MYO9B: variants seen among roughly 807,000 people sequenced by gnomAD.
The protein encoded by MYO9B is myosin IXB, also known as unconventional myosin-IXb.
MYO9B carries 71 observed loss-of-function variants against 229.5 expected under a neutral mutation model. The observed-to-expected ratio is 0.31, with a 90% CI of 0.26 to 0.38. The LOEUF (loss-of-function observed/expected upper bound fraction) is 0.38, where lower values mean the gene tolerates loss of function less well. Ranked by LOEUF, MYO9B falls within the 10% of genes least tolerant of loss-of-function variation. The probability of loss-of-function intolerance (pLI) is 1.00; values close to 1 mark genes in which losing one functional copy is unlikely to be tolerated. For missense variants in MYO9B, 2,255 were observed against 2,920.5 expected (o/e 0.77, Z 5.25); for synonymous variants, 1,185 against 1,235.8 (o/e 0.96, Z 0.86).
intron 2 of MYO9B, among the ~76,000 whole-genome samples, chr19:17,126,717 T>C (rs1014782111): frequency 5.3e-5 from 8 of 150,790 alleles, no homozygotes; most frequent in Non-Finnish European, 8.9e-5. Flanking sequence ...CAGGCTGGAA[T>C]GCAGTGGTGC....
rs186089640 is a variant in MYO9B at position 17,094,844 on chromosome 19, A to C, written c.-58-6816A>C. ...GTAGTCCCAGCTGCTCAGGAGGCTG[A>C]GGTGAGAGGTTTGCTTGAGCCAGGG... On this transcript the variant is annotated intron_variant, in intron 1 of 39. Transcript: ENST00000682292. 1.8e-3 allele frequency among the ~76,000 whole-genome samples: 275 copies of C among 152,226 alleles called. 1 individual carries two copies. The highest frequency in any genetic ancestry group is 3.6e-3 in the Admixed American group (55 of 15,280).
At position 17,195,043 on chromosome 19, in the gene MYO9B, G is replaced by A. The variant is rs569931532; in HGVS notation, c.3616G>A (p.Val1206Ile). 40 of 1,613,072 alleles carry A rather than the reference G, an allele frequency of 2.5e-5. No homozygotes were observed. Among genetic ancestry groups the A allele is most frequent in the South Asian group, 2.3e-4 (21 of 91,076 alleles). Reference protein sequence around the residue: ...ESREDETLLVVETEAENTSQK... With the variant: ...ESREDETLLVIETEAENTSQK... ...CAGAGAAGATGAAACCCTTCTAGTC[G>A]TAGAGACGGAGGCTGAGAACACATC... Residue 1206 changes from valine (V) to isoleucine (I), a missense_variant, in exon 22 of 40, where the codon GTA becomes ATA. By Grantham distance (29) the Val-to-Ile change is conservative. This residue lies in a region of MYO9B where 679 missense variants were observed against 770.2 expected (regional missense o/e 0.88). Transcript: ENST00000682292. The surrounding 1 kb of genome is among the most constrained non-coding windows in gnomAD (Gnocchi z 4.5).
chr19:17,101,106 G>A lies in MYO9B; in HGVS notation c.-58-554G>A, dbSNP rs2057740656. On this transcript the variant is annotated intron_variant, in intron 1 of 39. Coordinates refer to ENST00000682292, the MANE Select transcript of MYO9B (RefSeq NM_004145.4). The surrounding 1 kb of genome is among the most constrained non-coding windows in gnomAD (Gnocchi z 4.7). ...GCTGCCTCTGGATGGGGTGGGATGG[G>A]GGCTGGGATGGAGCAAACTCAGGGG... Among the ~76,000 whole-genome samples the A allele has an allele frequency of 6.6e-6, 1 of 151,518 alleles. No homozygotes were observed. Among genetic ancestry groups the A allele is most frequent in the Non-Finnish European group, 1.5e-5 (1 of 67,934 alleles).
rs552535608 is a variant in MYO9B, at chr19:17,205,949, C to T, written c.5065-11C>T. On this transcript the variant is annotated splice_polypyrimidine_tract_variant and intron_variant, in intron 31 of 39. Coordinates refer to ENST00000682292, the MANE Select transcript of MYO9B (RefSeq NM_004145.4). ...CAGGCCCAGACCTGACCCCCAACCC[C>T]GGCACTGCAGGGCGAGCCAGGCGTT... is the stretch of plus-strand genomic sequence containing the variant. The T allele has an allele frequency of 7.7e-5, 119 of 1,547,592 alleles. No homozygotes were observed. The highest frequency in any genetic ancestry group is 1.6e-4 in the East Asian group (7 of 44,070).
At chr19:17,110,784 A>G (rs577128058) in intron 2 of MYO9B, among the ~76,000 whole-genome samples, 23 of 152,100 alleles carry the variant, frequency 1.5e-4, no homozygotes, top group Non-Finnish European at 2.6e-4. Context: ...GGTGGAGCCA[A>G]GCTCACCCGA....
rs1351374314 is a variant in MYO9B at position 17,202,288 on chromosome 19, C to T, written c.4821C>T (p.Asp1607=). Residue 1607 remains aspartate, a synonymous_variant, in exon 28 of 40, where the codon GAC becomes GAT. Transcript: ENST00000682292. ...DEFTRGYTKN[D]FEPVKQSKAQ... is the part of the protein sequence containing the mutation. ...TCACCCGTGGCTACACCAAGAACGA[C>T]TTCGAGCCAGTGAAGGTGGGCAGCC... 1 of 1,564,864 alleles carries T rather than the reference C, an allele frequency of 6.4e-7. No homozygotes were observed. The highest frequency in any genetic ancestry group is 1.9e-5 in the Admixed American group (1 of 51,666).
At chr19:17,121,578 G>A (rs768599720) in intron 2 of MYO9B, among the ~76,000 whole-genome samples, 1 of 152,108 alleles carries the variant, frequency 6.6e-6, no homozygotes, top group Non-Finnish European at 1.5e-5. Context: ...ACAGAGAGAG[G>A]CAGTGGCACC....
At chr19:17,110,089 C>T (rs1312504633) in intron 2 of MYO9B, among the ~76,000 whole-genome samples, 2 of 152,274 alleles carry the variant, frequency 1.3e-5, no homozygotes, top group Non-Finnish European at 2.9e-5. Flanking sequence ...CAGCACAACT[C>T]GCTGCATCGA....
chr19:17,163,097 A>G lies in MYO9B; in HGVS notation c.1646A>G (p.Asn549Ser), dbSNP rs1347225927. 6.4e-7 allele frequency: 1 copy of G among 1,562,472 alleles called. No individual in the cohort carries two copies. Among genetic ancestry groups the G allele is most frequent in the Non-Finnish European group, 8.7e-7 (1 of 1,152,792 alleles). Residue 549 changes from asparagine to serine, a missense_variant, in exon 10 of 40, where the codon AAC (asparagine) becomes AGC (serine). Transcript: ENST00000682292. ...YANEQLQYYFNQHIFKLEQEE... is the reference protein window; with the variant it reads ...YANEQLQYYFSQHIFKLEQEE... The stretch of plus-strand genomic sequence containing the variant: ...AATGAGCAGCTGCAGTATTACTTCA[A>G]CCAGCACATCTTCAAGCTGGAGCAG...
intron 1 of MYO9B, among the ~76,000 whole-genome samples, chr19:17,086,054 A>G (rs1199141418): frequency 1.3e-5 from 2 of 152,258 alleles, no homozygotes; most frequent in Non-Finnish European, 1.5e-5. Context: ...GCTCCCGCCA[A>G]GGCACCCACA....
At chr19:17,118,567 C>T (rs1008174446) in intron 2 of MYO9B, among the ~76,000 whole-genome samples, 2 of 151,858 alleles carry the variant, frequency 1.3e-5, no homozygotes, top group Non-Finnish European at 2.9e-5. Context: ...CTAAAACCTC[C>T]GCCTCCCAGG....
At position 17,213,042 on chromosome 19, in the gene MYO9B, G is replaced by A. The variant is rs1261419382; in HGVS notation, c.*732G>A. 4 of 152,454 alleles carry A rather than the reference G, an allele frequency of 2.6e-5. No individual in the cohort carries two copies. In the East Asian group the frequency reaches 5.8e-4, roughly 22 times the overall value. 9.4% of individuals were successfully genotyped at this position (152,454 alleles called of 1,614,324 possible). A position where few individuals can be genotyped will look rare whatever the true frequency, so the allele number is the denominator to read the frequency against. ...CTTCCGGACGCCAAGGGCTGCAGGA[G>A]GCTGCTTTTGGCACTACCCACCCCG... On this transcript the variant is annotated 3_prime_UTR_variant, in exon 40 of 40. Transcript: ENST00000682292.
rs746201813 is a variant in MYO9B, at chr19:17,192,967, A to G, written c.3033A>G (p.Ser1011=). Residue 1011 remains serine (S), a synonymous_variant, in exon 21 of 40, where the codon TCA becomes TCG. Transcript: ENST00000682292. ...AGGCTGCCGTGTACCTCCAGGCCTC[A>G]TGGAGGGGCTACTGGCAGCGGAAGC... ...RTQAAVYLQA[S]WRGYWQRKLY... The G allele has an allele frequency of 9.8e-6, 15 of 1,528,672 alleles. No individual in the cohort carries two copies. Among genetic ancestry groups the G allele is most frequent in the East Asian group, 4.9e-5 (2 of 40,472 alleles). The allele number at this position is 1,528,672 out of a possible 1,614,324, so 94.7% of individuals were successfully genotyped here.
intron 1 of MYO9B, among the ~76,000 whole-genome samples, chr19:17,096,663 TTTGTTGTTGTTGTTGTTGTTG>T (rs150244722): frequency 8.6e-5 from 10 of 115,694 alleles, no homozygotes; most frequent in Non-Finnish European, 1.2e-4. Flanking sequence ...GTTCAGATAG[TTTGTTGTTGTTGTTGTTGTTG>T]TTGTTGTTGT....
At chr19:17,154,164 C>T in intron 5 of MYO9B, 98 bp downstream of exon 5, 1 of 1,346,028 alleles carries the variant, frequency 7.4e-7, no homozygotes, top group Non-Finnish European at 1.1e-6. Flanking sequence ...TGCCCTGGCC[C>T]CCGAACCCGC....
intron 24 of MYO9B, 98 bp from the exon 25 acceptor site, chr19:17,200,195 T>C (rs1412989347): frequency 7.0e-7 from 1 of 1,438,596 alleles, no homozygotes; most frequent in Non-Finnish European, 9.4e-7. Flanking sequence ...GAGTCAGGCA[T>C]TGATAGAGCA....
chr19:17,145,656 C>T (rs17533868), intron 3 of MYO9B, among the ~76,000 whole-genome samples, 165 bp downstream of exon 3: 4,301 of 152,090 alleles, frequency 0.028, 97 homozygotes, highest in Middle Eastern at 0.071. Flanking sequence ...AGGTCTGGAA[C>T]AGTAGGTTGA....
Position 17,156,949 on chromosome 19 carries a change from G to A in MYO9B, c.1240G>A (p.Val414Ile), listed in dbSNP as rs762305081. ...CTCGGCCATCCTGTACCTGGGCAAC[G>A]TCACTTATAAGAAGAGAGCTACAGG... Reference protein sequence around the residue: ...VLSAILYLGNVTYKKRATGRE... With the variant: ...VLSAILYLGNITYKKRATGRE... Residue 414 changes from valine to isoleucine, a missense_variant, in exon 7 of 40, where the codon GTC becomes ATC. By Grantham distance (29) the Val-to-Ile change is conservative. Around this residue, in one of 7 missense-constraint regions of MYO9B, gnomAD observed 220 missense variants for 404.5 expected, o/e 0.54. Transcript: ENST00000682292. 10 of 1,613,730 alleles carry A rather than the reference G, an allele frequency of 6.2e-6. No individual in the cohort carries two copies. The highest frequency in any genetic ancestry group is 4.4e-5 in the South Asian group (4 of 91,084).
rs138964307 is a variant in MYO9B at position 17,193,413 on chromosome 19, GCA to G, written c.3128+354_3128+355del. ...CACATGGAGCTGGGGCATCCACCGG[GCA>G]CAGAGAAGCCCCCAGGAGGATATCA... On this transcript the variant is annotated intron_variant, in intron 21 of 39. Transcript: ENST00000682292. This position sits in a 1 kb window ranked among gnomAD's most constrained non-coding sequence, Gnocchi z 4.3. Among the ~76,000 whole-genome samples the G allele has an allele frequency of 3.3e-3, 501 of 152,262 alleles. 17 individuals are homozygous for G. The East Asian group carries it at 0.082, about 25-fold the overall frequency.
Sources: allele counts gnomAD v4.1 joint callset (sites outside exome capture counted in the v4.1 genomes callset), GRCh38; gene constraint gnomAD v4.1.1; regional missense constraint gnomAD v4.1.1; non-coding constraint Gnocchi (gnomAD v3.1); transcripts MANE v1.5; gene names NCBI Gene and HGNC (gene_info 2026-07-23, HGNC 2026-07-21).